Variants in FHIT observed in about 807,000 individuals in gnomAD.
FHIT encodes the protein bis(5'-adenosyl)-triphosphatase.
FHIT carries 19 observed loss-of-function variants against 17.9 expected under a neutral mutation model. The observed-to-expected ratio is 1.06, with a 90% CI of 0.74 to 1.56. The LOEUF is 1.56. Ranked by LOEUF, FHIT falls within the 40% of genes most tolerant of loss-of-function variation. The pLI is 0.00. For missense variants in FHIT, 248 were observed against 189.2 expected (o/e 1.31, Z -1.82); for synonymous variants, 81 against 69.7 (o/e 1.16, Z -0.81).
At chr3:59,819,064 A>G (rs1187406300) in intron 8 of FHIT, among the ~76,000 whole-genome samples, 1 of 152,232 alleles carries the variant, frequency 6.6e-6, no homozygotes, top group African/African-American at 2.4e-5. Context: ...GAAGTGGTGT[A>G]GAAACAGTTC....
chr3:60,633,511 C>A (rs2039501431), intron 4 of FHIT, among the ~76,000 whole-genome samples: 1 of 152,140 alleles, frequency 6.6e-6, no homozygotes, highest in African/African-American at 2.4e-5. Flanking sequence ...GCTATAAAAT[C>A]ATGGATCAAA....
rs1576406004 is a variant in FHIT at position 60,275,632 on chromosome 3, C to T, written c.103+261228G>A. On this transcript the variant is annotated intron_variant, in intron 5 of 9. Transcript: ENST00000492590. Reference sequence around the variant, plus strand: ...ATGTTGTCTTAGTCAATGCCATACACACACACACACACACACCTGTGACCA... The same window carrying T: ...ATGTTGTCTTAGTCAATGCCATACATACACACACACACACACCTGTGACCA... Among the ~76,000 whole-genome samples, 2 of 152,176 alleles carry T rather than the reference C, an allele frequency of 1.3e-5. 1 individual carries two copies. Among genetic ancestry groups the T allele is most frequent in the Middle Eastern group, 6.8e-3 (2 of 294 alleles).
chr3:60,242,493 A>G (rs1705181436), intron 5 of FHIT, among the ~76,000 whole-genome samples: 1 of 152,036 alleles, frequency 6.6e-6, no homozygotes, highest in Admixed American at 6.6e-5. Flanking sequence ...CAATCCACAT[A>G]ATCTTCATGA....
chr3:59,764,601 C>G (rs1701697139), intron 8 of FHIT, among the ~76,000 whole-genome samples: 1 of 152,186 alleles, frequency 6.6e-6, no homozygotes, highest in Non-Finnish European at 1.5e-5. Context: ...TGGAGCCAAC[C>G]TTTCCCAAAT....
chr3:59,924,426 C>A (rs569201183), intron 7 of FHIT, among the ~76,000 whole-genome samples: 15 of 152,292 alleles, frequency 9.8e-5, no homozygotes, highest in African/African-American at 3.6e-4. Flanking sequence ...GGACCTACCA[C>A]AAACTAACTG....
chr3:61,094,032 T>A (rs1162189849), intron 2 of FHIT, among the ~76,000 whole-genome samples: 3 of 152,128 alleles, frequency 2.0e-5, no homozygotes, highest in African/African-American at 7.2e-5. Context: ...CCCTGTAGGT[T>A]AGGTGTCCTC....
intron 2 of FHIT, among the ~76,000 whole-genome samples, chr3:61,076,946 C>T (rs2106761037): frequency 6.6e-6 from 1 of 152,242 alleles, no homozygotes; most frequent in African/African-American, 2.4e-5. Flanking sequence ...TAGTATTCAT[C>T]CTTGTGCATC....
At chr3:59,752,356 G>A in intron 8 of FHIT, 35 bp from the exon 9 acceptor site, 3 of 1,550,472 alleles carry the variant, frequency 1.9e-6, no homozygotes, top group Non-Finnish European at 2.6e-6. Context: ...GCTCTTTCAT[G>A]GGCCCTTGGG....
chr3:60,748,791 A>G (rs1477619435), intron 4 of FHIT, among the ~76,000 whole-genome samples: 10 of 152,180 alleles, frequency 6.6e-5, no homozygotes, highest in Non-Finnish European at 1.5e-4. Context: ...CAGCCTGGGC[A>G]ACAGAGTGAA....
chr3:60,807,046 C>T (rs1319387791), intron 4 of FHIT, among the ~76,000 whole-genome samples: 1 of 152,178 alleles, frequency 6.6e-6, no homozygotes, highest in Non-Finnish European at 1.5e-5. Flanking sequence ...TTCCATTCTC[C>T]AGTCAATCAT....
intron 7 of FHIT, among the ~76,000 whole-genome samples, chr3:59,986,986 T>G (rs1182014246): frequency 2.3e-5 from 3 of 128,512 alleles, no homozygotes; most frequent in Non-Finnish European, 4.7e-5. Context: ...TAGAAAAATA[T>G]TTTATATTTT....
intron 4 of FHIT, among the ~76,000 whole-genome samples, chr3:60,791,202 C>A (rs1003658254): frequency 6.6e-6 from 1 of 152,032 alleles, no homozygotes; most frequent in Non-Finnish European, 1.5e-5. Context: ...AAAGCAACAA[C>A]CTTTTCACCT....
chr3:61,048,416 A>G (rs574935893), intron 2 of FHIT, among the ~76,000 whole-genome samples: 149 of 152,338 alleles, frequency 9.8e-4, no homozygotes, highest in Admixed American at 3.3e-3. Context: ...TGCAAATCAA[A>G]ACCACAATGA....
chr3:60,807,172 G>C (rs1237942533), intron 4 of FHIT, among the ~76,000 whole-genome samples: 1 of 152,158 alleles, frequency 6.6e-6, no homozygotes, highest in Non-Finnish European at 1.5e-5. Flanking sequence ...TCTAGAAGTT[G>C]TAGAATTTAT....
At chr3:60,095,227 A>G (rs149206557) in intron 5 of FHIT, among the ~76,000 whole-genome samples, 5 of 152,204 alleles carry the variant, frequency 3.3e-5, no homozygotes, top group African/African-American at 1.2e-4. Context: ...CAAAACTTCT[A>G]GGATTCTAGA....
At chr3:60,194,937 G>A (rs7622342) in intron 5 of FHIT, among the ~76,000 whole-genome samples, 4,783 of 152,192 alleles carry the variant, frequency 0.031, 235 homozygotes, top group African/African-American at 0.11. Context: ...AGGCCGAGGA[G>A]GGTGGATCAC....
chr3:60,043,156 C>A (rs753022011), intron 5 of FHIT, among the ~76,000 whole-genome samples: 2 of 152,212 alleles, frequency 1.3e-5, no homozygotes, highest in Non-Finnish European at 2.9e-5. Flanking sequence ...CAGTTAAAAG[C>A]AGCAACACCA....
At chr3:61,235,658 C>A (rs554287776) in intron 1 of FHIT, among the ~76,000 whole-genome samples, 2 of 151,706 alleles carry the variant, frequency 1.3e-5, no homozygotes, top group Non-Finnish European at 2.9e-5. Flanking sequence ...GCCAAGATTG[C>A]GCCACTGCAC....
chr3:60,824,826 T>C lies in FHIT; in HGVS notation c.-110-2815A>G, dbSNP rs543154326. On this transcript the variant is annotated intron_variant, in intron 3 of 9. Transcript: ENST00000492590. ...GCCATCCCTGTAAGATGTGACTTGCTCCTCCTTGCCTTCCACCATGATTGT... is the reference window on the plus strand; with the variant it reads ...GCCATCCCTGTAAGATGTGACTTGCCCCTCCTTGCCTTCCACCATGATTGT... Among the ~76,000 whole-genome samples the C allele has an allele frequency of 3.3e-5, 5 of 152,304 alleles. No homozygotes were observed. In the East Asian group the frequency reaches 5.8e-4, roughly 18 times the overall value.
Sources: gnomAD v4.1 joint callset for allele counts (sites outside exome capture counted in the v4.1 genomes callset) on GRCh38, gnomAD v4.1.1 for gene constraint, MANE v1.5 for transcripts, NCBI Gene and HGNC (gene_info 2026-07-23, HGNC 2026-07-21) for gene names.